QKI: variants seen among roughly 807,000 people sequenced by gnomAD.
QKI encodes KH domain-containing RNA-binding protein QKI.
In QKI, 10 loss-of-function variants were observed where a neutral mutation model predicts 39.0. The observed-to-expected ratio is 0.26, with a 90% CI of 0.16 to 0.43. The LOEUF (loss-of-function observed/expected upper bound fraction) is 0.43, where lower values mean the gene tolerates loss of function less well. Among genes scored for constraint, QKI ranks in the 20% least tolerant of loss-of-function variants. QKI has a pLI of 1.00. For synonymous variants in QKI, 204 were observed against 155.4 expected, an observed-to-expected ratio of 1.31 and a Z score of -2.33; for missense variants, 218 against 428.0, an observed-to-expected ratio of 0.51 and a Z score of 4.33.
intron 3 of QKI, among the ~76,000 whole-genome samples, chr6:163,494,049 A>G (rs539410782): frequency 1.3e-5 from 2 of 152,306 alleles, no homozygotes; most frequent in East Asian, 3.9e-4. Context: ...TATACCTTCA[A>G]CCTAAATTTG....
intron 1 of QKI, among the ~76,000 whole-genome samples, chr6:163,430,495 C>T (rs1788738607): frequency 6.6e-6 from 1 of 151,704 alleles, no homozygotes; most frequent in Non-Finnish European, 1.5e-5. Flanking sequence ...TATTATGAAG[C>T]CATGTGTTTC....
intron 5 of QKI, among the ~76,000 whole-genome samples, chr6:163,562,901 A>G (rs1469032786): frequency 6.6e-6 from 1 of 152,118 alleles, no homozygotes; most frequent in Non-Finnish European, 1.5e-5. Flanking sequence ...GCTTTTTAAG[A>G]TTTTCTGTGA....
chr6:163,552,524 ATCC>A (rs1782301298), intron 4 of QKI, among the ~76,000 whole-genome samples: 1 of 151,708 alleles, frequency 6.6e-6, no homozygotes. Flanking sequence ...AAAGTTCTTT[ATCC>A]TAATCATCTT....
intron 3 of QKI, among the ~76,000 whole-genome samples, chr6:163,533,119 C>G (rs2128240786): frequency 6.6e-6 from 1 of 151,218 alleles, no homozygotes; most frequent in African/African-American, 2.4e-5. Context: ...AGACTAGTAG[C>G]TTTTGTAGGT....
At chr6:163,564,479 G>A in intron 6 of QKI, 1 of 1,423,788 alleles carries the variant, frequency 7.0e-7, no homozygotes, top group Non-Finnish European at 9.1e-7. Context: ...TGGAGTCCTA[G>A]TCATATTAAA....
At chr6:163,546,641 T>A (rs1781892326) in intron 4 of QKI, among the ~76,000 whole-genome samples, 2 of 152,074 alleles carry the variant, frequency 1.3e-5, no homozygotes, top group Non-Finnish European at 2.9e-5. Context: ...GTTTTGATAT[T>A]TATAAGTAAA....
At chr6:163,426,109 A>G (rs974474919) in intron 1 of QKI, among the ~76,000 whole-genome samples, 16 of 152,224 alleles carry the variant, frequency 1.1e-4, no homozygotes, top group African/African-American at 3.6e-4. Flanking sequence ...CAGATAACGT[A>G]ATAACCAGTC....
chr6:163,559,803 A>G (rs550772555), intron 4 of QKI, among the ~76,000 whole-genome samples: 18 of 152,322 alleles, frequency 1.2e-4, no homozygotes, highest in East Asian at 1.2e-3. Flanking sequence ...CATTACAGCT[A>G]TAATAGAAAG....
At chr6:163,544,528 T>C (rs571314046) in intron 4 of QKI, among the ~76,000 whole-genome samples, 5 of 152,214 alleles carry the variant, frequency 3.3e-5, no homozygotes, top group Middle Eastern at 3.4e-3. Flanking sequence ...TGAACATCAC[T>C]TACACTTTGC....
chr6:163,442,693 G>T (rs1789847080), intron 1 of QKI, among the ~76,000 whole-genome samples: 1 of 152,194 alleles, frequency 6.6e-6, no homozygotes, highest in Admixed American at 6.5e-5. Context: ...CATTGCCCGA[G>T]ATCAGGAGGA....
At chr6:163,449,593 G>T (rs529137465) in intron 1 of QKI, among the ~76,000 whole-genome samples, 1 of 152,146 alleles carries the variant, frequency 6.6e-6, no homozygotes, top group East Asian at 1.9e-4. Flanking sequence ...TACAAATCCT[G>T]AAAGTAATTC....
intron 1 of QKI, among the ~76,000 whole-genome samples, chr6:163,440,069 CT>C (rs1409983124): frequency 6.6e-6 from 1 of 152,184 alleles, no homozygotes. Flanking sequence ...CCTTTCCCCC[CT>C]CATTGTATAT....
chr6:163,432,047 C>G (rs1462319796), intron 1 of QKI, among the ~76,000 whole-genome samples: 4 of 152,066 alleles, frequency 2.6e-5, no homozygotes, highest in Non-Finnish European at 5.9e-5. Flanking sequence ...AGTAAGAGTA[C>G]CTTTGGGCCT....
At chr6:163,501,285 T>A (rs1159007423) in intron 3 of QKI, among the ~76,000 whole-genome samples, 1 of 56,944 alleles carries the variant, frequency 1.8e-5, no homozygotes, top group Non-Finnish European at 3.5e-5. Context: ...TGTTTTAACA[T>A]TAAAAAAAAA....
intron 3 of QKI, among the ~76,000 whole-genome samples, chr6:163,532,302 C>T (rs1027502551): frequency 1.3e-5 from 2 of 152,190 alleles, no homozygotes; most frequent in East Asian, 3.9e-4. Context: ...CTTTTAATGT[C>T]TTTGTCTATT....
At chr6:163,482,577 C>T (rs143940051) in intron 3 of QKI, among the ~76,000 whole-genome samples, 4 of 144,858 alleles carry the variant, frequency 2.8e-5, no homozygotes, top group East Asian at 2.0e-4. Flanking sequence ...GCAAGTCCCT[C>T]GTCGGGTTCA....
rs1331046620 is a variant in QKI, at chr6:163,577,218, C to T, written c.*6508C>T. 1.3e-5 allele frequency: 2 copies of T among 152,016 alleles called. No homozygotes were observed. Among genetic ancestry groups the T allele is most frequent in the African/African-American group, 4.8e-5 (2 of 41,380 alleles). 9.4% of individuals were successfully genotyped at this position (152,016 alleles called of 1,614,324 possible). ...TCTCCAAGTACCTCTGGCTCCTTTC[C>T]TCTTGCTCACCGGAACCTTAGTTTT... On this transcript the variant is annotated 3_prime_UTR_variant, in exon 8 of 8. Coordinates refer to ENST00000361752, the MANE Select transcript of QKI (RefSeq NM_006775.3).
Position 163,415,301 on chromosome 6 carries a change from G to C in QKI, c.108G>C (p.Gly36=), listed in dbSNP as rs1335498723. 1.7e-5 allele frequency: 27 copies of C among 1,594,456 alleles called. No homozygotes were observed. The highest frequency in any genetic ancestry group is 2.2e-5 in the Non-Finnish European group (26 of 1,167,690). ...KLMSSLPNFC[G]IFNHLERLLD... ...TGAGCAGCCTGCCCAACTTCTGCGG[G>C]ATCTTCAACCACCTCGAGCGGCTGC... is the stretch of plus-strand genomic sequence containing the variant. The change falls in exon 1 of 8, where the codon GGG becomes GGC. Residue 36 remains glycine, a synonymous_variant. Transcript: ENST00000361752.
At chr6:163,459,623 A>G (rs1248054565) in intron 2 of QKI, among the ~76,000 whole-genome samples, 1 of 152,178 alleles carries the variant, frequency 6.6e-6, no homozygotes. Context: ...GCTTTTTAGA[A>G]TCTGTTTCTT....
Sources: gnomAD v4.1 joint callset for allele counts (sites outside exome capture counted in the v4.1 genomes callset) on GRCh38, gnomAD v4.1.1 for gene constraint, MANE v1.5 for transcripts, NCBI Gene and HGNC (gene_info 2026-07-23, HGNC 2026-07-21) for gene names.